TUBA3D: variants seen among roughly 807,000 people sequenced by gnomAD.
The protein encoded by TUBA3D is tubulin alpha 3d.
TUBA3D carries 24 observed loss-of-function variants against 36.1 expected under a neutral mutation model. That is an observed-to-expected ratio of 0.66 (90% confidence interval 0.48 to 0.93). TUBA3D has a LOEUF of 0.93. Ranked by LOEUF, TUBA3D falls within the 40% of genes least tolerant of loss-of-function variation. TUBA3D has a pLI of 0.00. For synonymous variants in TUBA3D, 185 were observed against 247.2 expected (o/e 0.75, Z 2.36); for missense variants, 356 against 614.5 (o/e 0.58, Z 4.45).
Position 131,480,714 on chromosome 2 carries a change from A to G in TUBA3D, c.1021A>G (p.Ile341Val). 6.2e-7 allele frequency: 1 copy of G among 1,612,046 alleles called. No homozygotes were observed. Residue 341 changes from isoleucine to valine, a missense_variant, in exon 4 of 5, where the codon ATC becomes GTC. Physicochemically the swap from Ile to Val is conservative, Grantham distance 29. Around this residue, in one of 3 missense-constraint regions of TUBA3D, gnomAD observed 156 missense variants for 219.8 expected, o/e 0.71. Transcript: ENST00000321253. ...CGCCACCATCAAGACCAAGCGCACC[A>G]TCCAGTTTGTGGATTGGTGCCCGAC... Reference protein sequence around the residue: ...AIATIKTKRTIQFVDWCPTGF... With the variant: ...AIATIKTKRTVQFVDWCPTGF...
intron 4 of TUBA3D, among the ~76,000 whole-genome samples, chr2:131,481,474 C>T (rs1160757518): frequency 2.1e-5 from 3 of 144,116 alleles, no homozygotes; most frequent in South Asian, 2.2e-4. Flanking sequence ...CTTGCTCTGT[C>T]GCCCGGGTTG....
At chr2:131,477,570 G>GC (rs1431921857) in intron 1 of TUBA3D, among the ~76,000 whole-genome samples, 1 of 150,522 alleles carries the variant, frequency 6.6e-6, no homozygotes, top group Non-Finnish European at 1.5e-5. Context: ...GCTTTCTCCA[G>GC]CCCCCCAGTA....
At position 131,482,708 on chromosome 2, in the gene TUBA3D, G is replaced by A. The variant is rs1192555101; in HGVS notation, c.1213G>A (p.Val405Met). Residue 405 changes from valine (V) to methionine (M), a missense_variant, in exon 5 of 5, where the codon GTG (valine) becomes ATG (methionine). Transcript: ENST00000321253. ...TCTCATGTATGCCAAGCGGGCCTTT[G>A]TGCACTGGTACGTGGGCGAAGGCAT... ...FDLMYAKRAF[V>M]HWYVGEGMEE... 13 of 1,614,078 alleles carry A rather than the reference G, an allele frequency of 8.1e-6. No individual in the cohort carries two copies. Among genetic ancestry groups the A allele is most frequent in the Non-Finnish European group, 1.1e-5 (13 of 1,180,050 alleles).
rs1573859329 is a variant in TUBA3D at position 131,479,361 on chromosome 2, A to G, written c.280A>G (p.Thr94Ala). ...RQLFHPEQLI[T>A]GKEDAANNYA... ...GCTCTTCCACCCGGAGCAGCTGATCACCGGGAAGGAAGATGCAGCCAATAA... is the reference window on the plus strand; with the variant it reads ...GCTCTTCCACCCGGAGCAGCTGATCGCCGGGAAGGAAGATGCAGCCAATAA... Residue 94 changes from threonine (T) to alanine (A), a missense_variant, in exon 3 of 5, where the codon ACC (threonine) becomes GCC (alanine). Thr to Ala is a moderately conservative substitution (Grantham distance 58). This residue lies in a region of TUBA3D where 109 missense variants were observed against 153.7 expected (regional missense o/e 0.71). Transcript: ENST00000321253. The G allele has an allele frequency of 6.2e-7, 1 of 1,614,160 alleles. No homozygotes were observed.
At chr2:131,480,024 T>C (rs368884795) in intron 3 of TUBA3D, 45 bp from the exon 4 acceptor site, 19 of 1,533,154 alleles carry the variant, frequency 1.2e-5, no homozygotes, top group Non-Finnish European at 1.6e-5. Context: ...AGGTTGGTGG[T>C]GTGGCTTCCA....
At chr2:131,476,547 G>T (rs1678678596) in intron 1 of TUBA3D, among the ~76,000 whole-genome samples, 1 of 152,212 alleles carries the variant, frequency 6.6e-6, no homozygotes, top group African/African-American at 2.4e-5. Flanking sequence ...AGGAGCCCCA[G>T]GAGCCTTCGG....
chr2:131,480,821 A>T, intron 4 of TUBA3D, 72 bp downstream of exon 4: 1 of 1,561,120 alleles, frequency 6.4e-7, no homozygotes. Flanking sequence ...CTGAAGGCCC[A>T]CATCCTTTGG....
At chr2:131,477,762 T>C (rs1678722916) in intron 1 of TUBA3D, among the ~76,000 whole-genome samples, 1 of 151,812 alleles carries the variant, frequency 6.6e-6, no homozygotes, top group Non-Finnish European at 1.5e-5. Context: ...CATGGTGACC[T>C]GGGACCTACT....
intron 1 of TUBA3D, among the ~76,000 whole-genome samples, chr2:131,476,927 C>T (rs1282596897): frequency 7.0e-6 from 1 of 143,550 alleles, no homozygotes; most frequent in East Asian, 1.9e-4. Context: ...AGAGACCCTG[C>T]CTCAAAGACA....
rs751253226 is a variant in TUBA3D at position 131,482,837 on chromosome 2, G to T, written c.1342G>T (p.Glu448Ter). The T allele has an allele frequency of 3.1e-6, 5 of 1,613,150 alleles. No individual in the cohort carries two copies. The Admixed American group carries it at 6.7e-5, about 22-fold the overall frequency. Residue 448 changes from glutamate to a stop codon, truncating the protein, a stop_gained, in exon 5 of 5, where the codon GAA becomes TAA. Transcript: ENST00000321253. LOFTEE classifies it high-confidence loss of function. The stretch of plus-strand genomic sequence containing the variant: ...CGTGGAAGCTGAGGCTGAAGAAGGC[G>T]AAGAATACTGAGGGGAGGGTGTGGT... ...DSVEAEAEEGEEY is the reference protein window; with the variant it reads ...DSVEAEAEEG
chr2:131,477,331 A>G (rs1344369991), intron 1 of TUBA3D, among the ~76,000 whole-genome samples: 1 of 152,192 alleles, frequency 6.6e-6, no homozygotes, highest in Admixed American at 6.5e-5. Context: ...CACCACACCC[A>G]GCTTGGCAGG....
At position 131,479,344 on chromosome 2, in the gene TUBA3D, A is replaced by C. The variant is rs748586493; in HGVS notation, c.263A>C (p.His88Pro). The C allele has an allele frequency of 6.2e-7, 1 of 1,614,058 alleles. No individual in the cohort carries two copies. The highest frequency in any genetic ancestry group is 8.5e-7 in the Non-Finnish European group (1 of 1,180,018). The change falls in exon 3 of 5, where the codon CAC becomes CCC. Residue 88 changes from histidine (H) to proline (P), a missense_variant. By Grantham distance (77) the His-to-Pro change is moderately conservative. Around this residue, in one of 3 missense-constraint regions of TUBA3D, gnomAD observed 109 missense variants for 153.7 expected, o/e 0.71. Transcript: ENST00000321253. Reference protein sequence around the residue: ...VRTGTYRQLFHPEQLITGKED... With the variant: ...VRTGTYRQLFPPEQLITGKED... ...ACAGGGACCTACAGGCAGCTCTTCC[A>C]CCCGGAGCAGCTGATCACCGGGAAG...
At chr2:131,476,669 C>A (rs1678683720) in intron 1 of TUBA3D, among the ~76,000 whole-genome samples, 1 of 152,162 alleles carries the variant, frequency 6.6e-6, no homozygotes, top group African/African-American at 2.4e-5. Flanking sequence ...CGCGGCGGCT[C>A]ACGCCTGGAA....
At position 131,476,185 on chromosome 2, in the gene TUBA3D, G is replaced by A; in HGVS notation, c.-15G>A. ...GGTCTGGCAGTAGCGTTGGGCTGAA[G>A]CAGCGGAGTTCGCCATGGTAAGGCC... On this transcript the variant is annotated 5_prime_UTR_variant, in exon 1 of 5. Coordinates refer to ENST00000321253, the MANE Select transcript of TUBA3D (RefSeq NM_080386.4). The A allele has an allele frequency of 6.2e-7, 1 of 1,613,974 alleles. No homozygotes were observed.
In TUBA3D at chr2:131,480,278, G is replaced by C; in HGVS notation, c.585G>C (p.Leu195=). The C allele has an allele frequency of 1.2e-6, 2 of 1,613,812 alleles. No individual in the cohort carries two copies. The highest frequency in any genetic ancestry group is 1.7e-6 in the Non-Finnish European group (2 of 1,180,034). The change falls in exon 4 of 5, where the codon CTG becomes CTC. Residue 195 remains leucine, a synonymous_variant. Coordinates refer to ENST00000321253, the MANE Select transcript of TUBA3D (RefSeq NM_080386.4). ...YNSILTTHTT[L]EHSDCAFMVD... ...CCATCCTGACCACCCACACGACCCTGGAACATTCTGACTGTGCCTTCATGG... is the reference window on the plus strand; with the variant it reads ...CCATCCTGACCACCCACACGACCCTCGAACATTCTGACTGTGCCTTCATGG...
intron 1 of TUBA3D, 44 bp from the exon 2 acceptor site, chr2:131,478,120 T>G (rs931240112): frequency 6.3e-7 from 1 of 1,589,702 alleles, no homozygotes; most frequent in Non-Finnish European, 8.6e-7. Context: ...TAGTTTCAAG[T>G]TGCCTTGAAA....
chr2:131,480,122 C>T lies in TUBA3D; in HGVS notation c.429C>T (p.Gly143=), dbSNP rs754725908. The change falls in exon 4 of 5, where the codon GGC becomes GGT. Residue 143 remains glycine (G), a synonymous_variant. Transcript: ENST00000321253. Reference sequence around the variant, plus strand: ...TCCTCATCTTCCACAGCTTTGGGGGCGGCACTGGCTCTGGGTTCGCATCTC... The same window carrying T: ...TCCTCATCTTCCACAGCTTTGGGGGTGGCACTGGCTCTGGGTTCGCATCTC... ...QGFLIFHSFG[G]GTGSGFASLL... is the part of the protein sequence containing the mutation. The T allele has an allele frequency of 3.1e-5, 50 of 1,612,324 alleles. No homozygotes were observed. The highest frequency in any genetic ancestry group is 6.7e-5 in the East Asian group (3 of 44,864).
At position 131,479,441 on chromosome 2, in the gene TUBA3D, C is replaced by T. The variant is rs779743601; in HGVS notation, c.360C>T (p.Asp120=). ...IGKEIVDLVL[D]RIRKLADLCT... ...AGGAGATTGTTGACCTAGTCCTGGA[C>T]CGGATCCGCAAACTGGTAAGAAGAG... Residue 120 remains aspartate (D), a synonymous_variant, in exon 3 of 5, where the codon GAC becomes GAT. Coordinates refer to ENST00000321253, the MANE Select transcript of TUBA3D (RefSeq NM_080386.4). The T allele has an allele frequency of 6.2e-7, 1 of 1,614,118 alleles. No individual in the cohort carries two copies. The highest frequency in any genetic ancestry group is 1.1e-5 in the South Asian group (1 of 91,076).
chr2:131,477,143 C>T (rs576851994), intron 1 of TUBA3D, among the ~76,000 whole-genome samples: 3 of 151,870 alleles, frequency 2.0e-5, no homozygotes, highest in African/African-American at 4.8e-5. Context: ...CTTCCAGCAG[C>T]CCTCCCACCT....
Sources: gnomAD v4.1 joint callset for allele counts (sites outside exome capture counted in the v4.1 genomes callset) on GRCh38, gnomAD v4.1.1 for gene constraint, gnomAD v4.1.1 regional missense constraint, MANE v1.5 for transcripts, NCBI Gene and HGNC (gene_info 2026-07-23, HGNC 2026-07-21) for gene names.